GLRX3: variants seen among roughly 807,000 people sequenced by gnomAD.
GLRX3 encodes the protein glutaredoxin 3.
GLRX3 carries 22 observed loss-of-function variants against 49.5 expected under a neutral mutation model. The ratio of observed to expected loss-of-function variants is 0.44; its 90% CI spans 0.32 to 0.63. GLRX3 has a LOEUF of 0.63. GLRX3 is among the 30% of genes least tolerant of loss of function. GLRX3 has a pLI of 0.05. For missense variants in GLRX3, 385 were observed against 396.3 expected (o/e 0.97, Z 0.24); for synonymous variants, 133 against 140.0 (o/e 0.95, Z 0.35).
At chr10:130,150,171 C>T (rs1366175121) in intron 2 of GLRX3, among the ~76,000 whole-genome samples, 6 of 146,006 alleles carry the variant, frequency 4.1e-5, no homozygotes, top group South Asian at 2.2e-4. Context: ...ACCCAGGAGG[C>T]GGAGGTTGCA....
Position 130,166,061 on chromosome 10 carries a change from C to T in GLRX3, c.479-446C>T, listed in dbSNP as rs562793356. 5.3e-5 allele frequency among the ~76,000 whole-genome samples: 8 copies of T among 152,310 alleles called. No individual in the cohort carries two copies. In the East Asian group the frequency reaches 1.5e-3, roughly 29 times the overall value. On this transcript the variant is annotated intron_variant, in intron 4 of 10. Transcript: ENST00000331244. ...GGAGGCTGGAGTGCAGTGACAATCT[C>T]ATAGGTCGCTCCAGCCTCAGACTTC...
At chr10:130,140,799 T>G (rs1862158919) in intron 1 of GLRX3, among the ~76,000 whole-genome samples, 1 of 152,222 alleles carries the variant, frequency 6.6e-6, no homozygotes, top group African/African-American at 2.4e-5. Flanking sequence ...ATTTGATTTG[T>G]AATGGCTTTA....
intron 10 of GLRX3, among the ~76,000 whole-genome samples, chr10:130,176,967 A>G (rs891237611): frequency 6.6e-6 from 1 of 152,106 alleles, no homozygotes; most frequent in Admixed American, 6.5e-5. Context: ...TGCGTGGGTA[A>G]CTTCTTTTTA....
chr10:130,150,673 A>G (rs918516405), intron 2 of GLRX3, among the ~76,000 whole-genome samples: 1 of 152,238 alleles, frequency 6.6e-6, no homozygotes, highest in Non-Finnish European at 1.5e-5. Context: ...GATCTGTACA[A>G]TCATTATAAA....
intron 1 of GLRX3, among the ~76,000 whole-genome samples, 153 bp downstream of exon 1, chr10:130,136,665 C>T (rs1241335622): frequency 1.3e-5 from 2 of 152,188 alleles, no homozygotes; most frequent in Non-Finnish European, 2.9e-5. Context: ...CCCGTAGACT[C>T]CCCCGAGCCT....
In GLRX3 at chr10:130,166,684, G is replaced by A; in HGVS notation, c.651+5G>A. Reference sequence around the variant, plus strand: ...GGAGGACTTGATATAATTAAGGTTAGAATTGAGAAGTCTGTGCTTTGTAAA... The same window carrying A: ...GGAGGACTTGATATAATTAAGGTTAAAATTGAGAAGTCTGTGCTTTGTAAA... On this transcript the variant is annotated splice_donor_5th_base_variant and intron_variant, in intron 5 of 10. Transcript: ENST00000331244. 6.4e-7 allele frequency: 1 copy of A among 1,571,816 alleles called. No individual in the cohort carries two copies. The highest frequency in any genetic ancestry group is 8.7e-7 in the Non-Finnish European group (1 of 1,143,812).
In GLRX3 at chr10:130,136,439, G is replaced by C; in HGVS notation, c.19G>C (p.Glu7Gln). 1 of 1,258,318 alleles carries C rather than the reference G, an allele frequency of 7.9e-7. No homozygotes were observed. The allele number at this position is 1,258,318 out of a possible 1,614,324, so 77.9% of individuals were successfully genotyped here. A position where few individuals can be genotyped will look rare whatever the true frequency, so the allele number is the denominator to read the frequency against. The change falls in exon 1 of 11, where the codon GAG (glutamate) becomes CAG (glutamine). Residue 7 changes from glutamate to glutamine, a missense_variant. Transcript: ENST00000331244. MAAGAA[E>Q]AAVAAVEEVG... ...CGGCAGCATGGCGGCGGGGGCGGCT[G>C]AGGCAGCTGTAGCGGCCGTGGAGGA...
chr10:130,143,720 C>CA (rs1254320627), intron 1 of GLRX3, among the ~76,000 whole-genome samples: 1 of 149,534 alleles, frequency 6.7e-6, no homozygotes, highest in East Asian at 2.0e-4. Context: ...TTTTTTGAGG[C>CA]AGAGTCTTGC....
At chr10:130,163,457 A>T (rs1862616065) in intron 4 of GLRX3, among the ~76,000 whole-genome samples, 2 of 152,216 alleles carry the variant, frequency 1.3e-5, no homozygotes, top group Non-Finnish European at 2.9e-5. Flanking sequence ...GCCATCTGAA[A>T]ACGTAGTATT....
At chr10:130,139,944 C>T (rs1862142759) in intron 1 of GLRX3, among the ~76,000 whole-genome samples, 1 of 152,074 alleles carries the variant, frequency 6.6e-6, no homozygotes, top group Admixed American at 6.6e-5. Flanking sequence ...ACAAAAAGTG[C>T]CCGAATTTTA....
chr10:130,145,816 T>C (rs2147758), intron 2 of GLRX3, among the ~76,000 whole-genome samples: 121,115 of 149,754 alleles, frequency 0.81, 49,679 homozygotes, highest in African/African-American at 0.94. Flanking sequence ...TTTTTTTTTT[T>C]TTTGAGACAG....
intron 2 of GLRX3, among the ~76,000 whole-genome samples, chr10:130,158,770 T>C (rs1862523755): frequency 6.6e-6 from 1 of 152,216 alleles, no homozygotes; most frequent in Non-Finnish European, 1.5e-5. Context: ...GAATGCCTTA[T>C]CTTTTTGTTC....
intron 1 of GLRX3, among the ~76,000 whole-genome samples, chr10:130,139,561 G>A (rs2134866742): frequency 6.6e-6 from 1 of 150,992 alleles, no homozygotes; most frequent in South Asian, 2.1e-4. Flanking sequence ...CGAATGGCAT[G>A]AACCTGGGAG....
chr10:130,138,286 T>C (rs1012709351), intron 1 of GLRX3, among the ~76,000 whole-genome samples: 11 of 152,066 alleles, frequency 7.2e-5, no homozygotes, highest in African/African-American at 2.7e-4. Context: ...CTGGAACTCC[T>C]GAGCTCAAGT....
chr10:130,152,024 A>ATT (rs368596235), intron 2 of GLRX3, among the ~76,000 whole-genome samples: 2 of 145,106 alleles, frequency 1.4e-5, no homozygotes, highest in African/African-American at 2.5e-5. Context: ...TTGTGTGTGA[A>ATT]TTTTTTTTTT....
chr10:130,166,874 T>C, intron 5 of GLRX3, 45 bp from the exon 6 acceptor site: 1 of 1,225,940 alleles, frequency 8.2e-7, no homozygotes, highest in Non-Finnish European at 1.2e-6. Context: ...GAGATTTATG[T>C]TATAATAATT....
At chr10:130,164,439 G>A (rs1286009621) in intron 4 of GLRX3, among the ~76,000 whole-genome samples, 1 of 152,076 alleles carries the variant, frequency 6.6e-6, no homozygotes, top group Admixed American at 6.6e-5. Flanking sequence ...TCATCCAGCC[G>A]GGCTCTTACT....
chr10:130,142,785 A>C (rs1056600935), intron 1 of GLRX3, among the ~76,000 whole-genome samples: 45 of 123,202 alleles, frequency 3.7e-4, no homozygotes, highest in Non-Finnish European at 5.7e-4. Context: ...GTGACCCTTC[A>C]ATCTTCCAGT....
intron 1 of GLRX3, among the ~76,000 whole-genome samples, chr10:130,138,731 C>G (rs1862114392): frequency 6.6e-6 from 1 of 151,892 alleles, no homozygotes; most frequent in African/African-American, 2.4e-5. Flanking sequence ...TGGACCTGCC[C>G]TAAGTAAACG....
Sources: allele counts gnomAD v4.1 joint callset (sites outside exome capture counted in the v4.1 genomes callset), GRCh38; gene constraint gnomAD v4.1.1; transcripts MANE v1.5; gene names NCBI Gene and HGNC (gene_info 2026-07-23, HGNC 2026-07-21).